CCDC91: variants seen among roughly 807,000 people sequenced by gnomAD.
The protein encoded by CCDC91 is coiled-coil domain containing 91, also known as coiled-coil domain-containing protein 91.
CCDC91 carries 48 observed loss-of-function variants against 63.2 expected under a neutral mutation model. The observed-to-expected ratio is 0.76, with a 90% confidence interval of 0.60 to 0.97. The LOEUF is 0.97. CCDC91 is among the 50% of genes least tolerant of loss of function. The pLI is 0.00. For synonymous variants in CCDC91, 167 were observed against 165.8 expected (o/e 1.01, Z -0.06); for missense variants, 500 against 494.6 (o/e 1.01, Z -0.10).
chr12:28,312,971 C>A (rs1441126350), intron 6 of CCDC91, among the ~76,000 whole-genome samples: 2 of 152,006 alleles, frequency 1.3e-5, no homozygotes, highest in Admixed American at 1.3e-4. Flanking sequence ...ATGTCTTTAT[C>A]AGCAGTGTGA....
At chr12:28,429,519 C>A (rs1330750987) in intron 8 of CCDC91, among the ~76,000 whole-genome samples, 5 of 151,876 alleles carry the variant, frequency 3.3e-5, no homozygotes, top group African/African-American at 9.7e-5. Context: ...ATATAATAAA[C>A]AATACATTCG....
chr12:28,193,583 G>T (rs1342713520), intron 1 of CCDC91, among the ~76,000 whole-genome samples: 1 of 149,580 alleles, frequency 6.7e-6, no homozygotes, highest in Non-Finnish European at 1.5e-5. Context: ...ACTGGTGACA[G>T]AGTGAAACTC....
intron 1 of CCDC91, among the ~76,000 whole-genome samples, chr12:28,243,280 C>T (rs1056136197): frequency 1.3e-5 from 2 of 151,908 alleles, no homozygotes; most frequent in Admixed American, 6.6e-5. Context: ...TACTGGGAGG[C>T]GATCGTATAA....
intron 8 of CCDC91, among the ~76,000 whole-genome samples, chr12:28,440,607 C>G (rs945718350): frequency 2.9e-4 from 44 of 152,114 alleles, no homozygotes; most frequent in Non-Finnish European, 5.9e-4. Flanking sequence ...TTGAAAACTT[C>G]TGCTACTTGA....
At chr12:28,247,479 CAAAAAA>C (rs71039885) in intron 1 of CCDC91, among the ~76,000 whole-genome samples, 1 of 91,990 alleles carries the variant, frequency 1.1e-5, no homozygotes, top group Non-Finnish European at 2.4e-5. Context: ...GACTCCGTCT[CAAAAAA>C]AAAAAAAAAA....
At chr12:28,383,609 C>T (rs954579016) in intron 7 of CCDC91, among the ~76,000 whole-genome samples, 19 of 151,952 alleles carry the variant, frequency 1.3e-4, no homozygotes, top group Non-Finnish European at 2.5e-4. Context: ...GGCTGGGCTG[C>T]GGGAGACCAT....
At chr12:28,478,385 G>C (rs1406803674) in intron 11 of CCDC91, among the ~76,000 whole-genome samples, 1 of 152,148 alleles carries the variant, frequency 6.6e-6, no homozygotes, top group African/African-American at 2.4e-5. Context: ...TTAACAAGTG[G>C]TGCTGGGAAA....
At chr12:28,489,671 A>ACTAAATT (rs1951897794) in intron 12 of CCDC91, among the ~76,000 whole-genome samples, 1 of 151,900 alleles carries the variant, frequency 6.6e-6, no homozygotes, top group East Asian at 1.9e-4. Flanking sequence ...CTTTTAATTT[A>ACTAAATT]GGTTTTTAGA....
chr12:28,338,294 C>A (rs983676331), intron 6 of CCDC91, among the ~76,000 whole-genome samples: 1 of 145,692 alleles, frequency 6.9e-6, no homozygotes, highest in Non-Finnish European at 1.5e-5. Context: ...CACAGACTTT[C>A]CCCTAAACTC....
intron 8 of CCDC91, among the ~76,000 whole-genome samples, chr12:28,425,760 T>C (rs1948279675): frequency 6.6e-6 from 1 of 152,190 alleles, no homozygotes; most frequent in African/African-American, 2.4e-5. Context: ...ACCAGCAGGC[T>C]TCAGTATCAG....
At chr12:28,264,772 G>A (rs561564525) in intron 3 of CCDC91, among the ~76,000 whole-genome samples, 13 of 151,690 alleles carry the variant, frequency 8.6e-5, no homozygotes, top group Middle Eastern at 3.4e-3. Flanking sequence ...TCATTGTAGC[G>A]GACTCAAAGT....
chr12:28,271,048 A>G (rs1947734803), intron 3 of CCDC91, among the ~76,000 whole-genome samples: 1 of 152,272 alleles, frequency 6.6e-6, no homozygotes, highest in East Asian at 1.9e-4. Context: ...ATGGAGTGCC[A>G]GCATAGCGTG....
intron 8 of CCDC91, among the ~76,000 whole-genome samples, chr12:28,406,753 T>C (rs1243542793): frequency 1.3e-5 from 2 of 151,628 alleles, no homozygotes; most frequent in Non-Finnish European, 2.9e-5. Flanking sequence ...TTTTAATTCA[T>C]AGTTTATGAA....
At chr12:28,388,625 T>G (rs1945750410) in intron 7 of CCDC91, among the ~76,000 whole-genome samples, 1 of 152,054 alleles carries the variant, frequency 6.6e-6, no homozygotes, top group Non-Finnish European at 1.5e-5. Context: ...CAAATGGAAA[T>G]ACATCCCATG....
chr12:28,468,457 C>G (rs1343906314), intron 11 of CCDC91, among the ~76,000 whole-genome samples: 1 of 151,774 alleles, frequency 6.6e-6, no homozygotes, highest in Non-Finnish European at 1.5e-5. Context: ...GAAAAAGTCT[C>G]TCAGTAAAGA....
chr12:28,222,235 C>T (rs1466822174), intron 1 of CCDC91, among the ~76,000 whole-genome samples: 5 of 152,056 alleles, frequency 3.3e-5, no homozygotes, highest in African/African-American at 1.2e-4. Context: ...TTCATATTTC[C>T]TTCCAACCTT....
intron 1 of CCDC91, among the ~76,000 whole-genome samples, chr12:28,194,544 T>C (rs1941572860): frequency 6.6e-6 from 1 of 152,224 alleles, no homozygotes; most frequent in Non-Finnish European, 1.5e-5. Flanking sequence ...CAGTGAGTGA[T>C]ACAGCTCTTA....
chr12:28,229,170 C>T (rs1385813264), intron 1 of CCDC91, among the ~76,000 whole-genome samples: 1 of 150,456 alleles, frequency 6.6e-6, no homozygotes, highest in Non-Finnish European at 1.5e-5. Flanking sequence ...TCTGGGGGTT[C>T]TACTTTTTTC....
At chr12:28,193,572 G>A (rs1224406371) in intron 1 of CCDC91, among the ~76,000 whole-genome samples, 1 of 150,764 alleles carries the variant, frequency 6.6e-6, no homozygotes, top group Admixed American at 6.6e-5. Flanking sequence ...CTGCACTCCA[G>A]ACTGGTGACA....
Sources: allele counts gnomAD v4.1 joint callset (sites outside exome capture counted in the v4.1 genomes callset), GRCh38; gene constraint gnomAD v4.1.1; transcripts MANE v1.5; gene names NCBI Gene and HGNC (gene_info 2026-07-23, HGNC 2026-07-21).